CAMK1D: variants seen among roughly 807,000 people sequenced by gnomAD.
The protein encoded by CAMK1D is calcium/calmodulin-dependent protein kinase type 1D.
A neutral mutation model predicts 47.7 loss-of-function variants in CAMK1D; 9 were observed. The observed-to-expected ratio is 0.19, with a 90% CI of 0.11 to 0.33. The LOEUF (loss-of-function observed/expected upper bound fraction) is 0.33. Ranked by LOEUF, CAMK1D falls within the 10% of genes least tolerant of loss-of-function variation. CAMK1D has a pLI of 1.00. For missense variants in CAMK1D, 291 were observed against 488.7 expected, an observed-to-expected ratio of 0.60 and a Z score of 3.81; for synonymous variants, 184 against 184.9, an observed-to-expected ratio of 0.99 and a Z score of 0.04.
At chr10:12,741,231 G>A (rs1181253324) in intron 3 of CAMK1D, among the ~76,000 whole-genome samples, 1 of 152,188 alleles carries the variant, frequency 6.6e-6, no homozygotes, top group South Asian at 2.1e-4. Flanking sequence ...ACCTCTCTGA[G>A]AGCCTGAGTA....
At chr10:12,575,778 A>C (rs1248948684) in intron 2 of CAMK1D, among the ~76,000 whole-genome samples, 1 of 152,194 alleles carries the variant, frequency 6.6e-6, no homozygotes, top group Non-Finnish European at 1.5e-5. Flanking sequence ...TTAAGAAGAC[A>C]GTGGTGGTTT....
At chr10:12,642,996 TTTG>T (rs375798750) in intron 2 of CAMK1D, among the ~76,000 whole-genome samples, 4 of 151,998 alleles carry the variant, frequency 2.6e-5, no homozygotes, top group Admixed American at 2.0e-4. Flanking sequence ...TACATTTTGG[TTTG>T]TTGTTGTTGT....
chr10:12,810,873 C>T (rs556566247), intron 6 of CAMK1D, among the ~76,000 whole-genome samples: 19 of 152,318 alleles, frequency 1.2e-4, no homozygotes, highest in African/African-American at 2.6e-4. Flanking sequence ...GTGCAAGGAC[C>T]GTATACGAAA....
intron 1 of CAMK1D, among the ~76,000 whole-genome samples, chr10:12,489,717 A>AT (rs1223377371): frequency 6.6e-6 from 1 of 152,188 alleles, no homozygotes; most frequent in African/African-American, 2.4e-5. Flanking sequence ...CGTGGTAGTT[A>AT]TGCTGGACGA....
chr10:12,448,290 G>T (rs1832981444), intron 1 of CAMK1D, among the ~76,000 whole-genome samples: 1 of 146,184 alleles, frequency 6.8e-6, no homozygotes, highest in South Asian at 2.2e-4. Flanking sequence ...CTCCCAAAGT[G>T]TTGGGATTAC....
intron 2 of CAMK1D, among the ~76,000 whole-genome samples, chr10:12,555,081 T>C (rs1340398300): frequency 2.0e-5 from 3 of 152,192 alleles, no homozygotes; most frequent in African/African-American, 7.2e-5. Flanking sequence ...ATCCTTGAAA[T>C]TTTTGGGGTT....
intron 1 of CAMK1D, among the ~76,000 whole-genome samples, chr10:12,511,324 G>C (rs1297907999): frequency 6.6e-6 from 1 of 152,112 alleles, no homozygotes; most frequent in Non-Finnish European, 1.5e-5. Flanking sequence ...TCCATGGCCA[G>C]GCACAGTAGC....
intron 2 of CAMK1D, among the ~76,000 whole-genome samples, chr10:12,620,205 A>T (rs1035374302): frequency 3.3e-4 from 50 of 151,248 alleles, no homozygotes; most frequent in Admixed American, 1.1e-3. Flanking sequence ...AAAAAAAAAA[A>T]AAAAAAAAAA....
chr10:12,726,664 T>C (rs560405956), intron 3 of CAMK1D, among the ~76,000 whole-genome samples: 1 of 152,332 alleles, frequency 6.6e-6, no homozygotes, highest in African/African-American at 2.4e-5. Flanking sequence ...ATAGAATTCA[T>C]TAAATTCTCA....
intron 3 of CAMK1D, among the ~76,000 whole-genome samples, chr10:12,708,281 A>G (rs1833805057): frequency 6.6e-6 from 1 of 151,232 alleles, no homozygotes; most frequent in African/African-American, 2.4e-5. Flanking sequence ...TTAAAGTCCC[A>G]GTGGCGACTG....
rs554461286 is a variant in CAMK1D, at chr10:12,530,079, T to G, written c.93-23146T>G. Among the ~76,000 whole-genome samples the G allele has an allele frequency of 2.6e-5, 4 of 152,334 alleles. No individual in the cohort carries two copies. The East Asian group carries it at 7.7e-4, about 29-fold the overall frequency. Reference sequence around the variant, plus strand: ...ATACGTAAGCATACAATGTTTATTGTGATTCTAAGGGACGGAATAGTATCC... The same window carrying G: ...ATACGTAAGCATACAATGTTTATTGGGATTCTAAGGGACGGAATAGTATCC... On this transcript the variant is annotated intron_variant, in intron 1 of 10. Transcript: ENST00000619168.
At chr10:12,825,759 G>C (rs1243476972) in intron 10 of CAMK1D, 69 bp downstream of exon 10, 1 of 1,608,596 alleles carries the variant, frequency 6.2e-7, no homozygotes, top group Non-Finnish European at 8.5e-7. Context: ...AGAGGAGGGA[G>C]CCGGCATCTG....
chr10:12,789,071 A>C (rs1437630182), intron 5 of CAMK1D, among the ~76,000 whole-genome samples: 1 of 152,226 alleles, frequency 6.6e-6, no homozygotes, highest in Non-Finnish European at 1.5e-5. Flanking sequence ...TTTACTGTCA[A>C]TAGGATGAAA....
intron 1 of CAMK1D, among the ~76,000 whole-genome samples, chr10:12,396,123 C>T (rs1838943679): frequency 6.6e-6 from 1 of 152,056 alleles, no homozygotes; most frequent in African/African-American, 2.4e-5. Context: ...AATCACCCAC[C>T]TCGGCCTCCC....
At chr10:12,362,920 A>T (rs1165768248) in intron 1 of CAMK1D, among the ~76,000 whole-genome samples, 2 of 149,398 alleles carry the variant, frequency 1.3e-5, no homozygotes, top group Non-Finnish European at 3.0e-5. Context: ...CTGGGATTAC[A>T]GGCGTGAGCC....
chr10:12,534,034 A>G (rs1039767187), intron 1 of CAMK1D, among the ~76,000 whole-genome samples: 1 of 152,140 alleles, frequency 6.6e-6, no homozygotes, highest in African/African-American at 2.4e-5. Flanking sequence ...TTCACGGGAT[A>G]AGTTGCCTGG....
At chr10:12,799,942 C>G (rs1838356456) in intron 6 of CAMK1D, among the ~76,000 whole-genome samples, 1 of 152,178 alleles carries the variant, frequency 6.6e-6, no homozygotes, top group South Asian at 2.1e-4. Context: ...CTTTTCCTCT[C>G]TGGTATTCCC....
intron 1 of CAMK1D, among the ~76,000 whole-genome samples, chr10:12,518,855 A>G (rs979450631): frequency 8.0e-6 from 1 of 124,746 alleles, no homozygotes; most frequent in Non-Finnish European, 1.8e-5. Context: ...TTCTTAGTAC[A>G]GAACAAAATG....
At chr10:12,556,449 T>C (rs12573806) in intron 2 of CAMK1D, among the ~76,000 whole-genome samples, 13,587 of 151,926 alleles carry the variant, frequency 0.089, 719 homozygotes, top group South Asian at 0.15. Context: ...GCCTCAAGGG[T>C]AGGGGGTGCT....
Sources: allele counts gnomAD v4.1 joint callset (sites outside exome capture counted in the v4.1 genomes callset), GRCh38; gene constraint gnomAD v4.1.1; transcripts MANE v1.5; gene names NCBI Gene and HGNC (gene_info 2026-07-23, HGNC 2026-07-21).